The following KATNIP variants were observed in gnomAD, a reference collection of about 807,000 sequenced individuals.
KATNIP encodes the protein katanin-interacting protein.
Under a neutral mutation model 174.0 loss-of-function variants are expected in KATNIP, and 126 were observed. The observed-to-expected ratio is 0.72, with a 90% CI of 0.63 to 0.84. The LOEUF (loss-of-function observed/expected upper bound fraction) is 0.84, where lower values mean the gene tolerates loss of function less well. KATNIP is among the 40% of genes least tolerant of loss of function. The probability of loss-of-function intolerance (pLI) is 0.00; values close to 1 mark genes in which losing one functional copy is unlikely to be tolerated. For missense variants in KATNIP, 1,958 were observed against 2,109.7 expected, an observed-to-expected ratio of 0.93 and a Z score of 1.41; for synonymous variants, 810 against 835.7, an observed-to-expected ratio of 0.97 and a Z score of 0.53.
intron 21 of KATNIP, among the ~76,000 whole-genome samples, chr16:27,770,674 C>A (rs1199655777): frequency 3.9e-5 from 6 of 152,204 alleles, no homozygotes; most frequent in Non-Finnish European, 8.8e-5. Flanking sequence ...GGGAGAGGGG[C>A]CCCGTCAGGA....
In KATNIP at chr16:27,708,715, G is replaced by A; in HGVS notation, c.1400G>A (p.Arg467Lys). 6.2e-7 allele frequency: 1 copy of A among 1,612,164 alleles called. No homozygotes were observed. The highest frequency in any genetic ancestry group is 8.5e-7 in the Non-Finnish European group (1 of 1,178,632). ...TTTCTCTTCTTTAAGGACAAACAGA[G>A]AATGAGGGCAGACGAGATCAAAGAT... The part of the protein sequence containing the change: ...EQVSDTEDKQ[R>K]MRADEIKDAI... Residue 467 changes from arginine to lysine, a missense_variant, in exon 13 of 28, where the codon AGA (arginine) becomes AAA (lysine). This residue lies in a region of KATNIP where 1,557 missense variants were observed against 1,617.8 expected (regional missense o/e 0.96). Transcript: ENST00000261588.
chr16:27,669,224 A>G (rs2077798912), intron 6 of KATNIP: 1 of 948,114 alleles, frequency 1.1e-6, no homozygotes, highest in African/African-American at 1.8e-5. Context: ...TAATTCACTG[A>G]CCATCAAACC....
chr16:27,751,778 A>C lies in KATNIP; in HGVS notation c.3406A>C (p.Ile1136Leu), dbSNP rs749543994. Reference sequence around the variant, plus strand: ...AACCGATGATGACATTCTCGAGGCCATATTCTATTCTGATGAGATGTTTGA... The same window carrying C: ...AACCGATGATGACATTCTCGAGGCCCTATTCTATTCTGATGAGATGTTTGA... ...FTTDDDILEA[I>L]FYSDEMFDLD... Residue 1136 changes from isoleucine (I) to leucine (L), a missense_variant, in exon 17 of 28, where the codon ATA becomes CTA. By Grantham distance (5) the Ile-to-Leu change is conservative. Coordinates refer to ENST00000261588, the MANE Select transcript of KATNIP (RefSeq NM_015202.5). The C allele has an allele frequency of 3.1e-6, 5 of 1,614,124 alleles. No homozygotes were observed. The East Asian group carries it at 8.9e-5, about 29-fold the overall frequency.
intron 5 of KATNIP, chr16:27,632,536 A>G (rs2076521228): frequency 2.3e-6 from 1 of 435,906 alleles, no homozygotes; most frequent in Admixed American, 2.4e-5. Context: ...CTGATGTCAA[A>G]AGGCGAATCG....
chr16:27,569,148 T>C (rs1325997718), intron 1 of KATNIP, among the ~76,000 whole-genome samples: 2 of 152,240 alleles, frequency 1.3e-5, no homozygotes, highest in African/African-American at 4.8e-5. Context: ...GACTGTACTT[T>C]ACGGGTTGTT....
At chr16:27,674,926 C>T (rs1184117511) in intron 6 of KATNIP, among the ~76,000 whole-genome samples, 2 of 152,220 alleles carry the variant, frequency 1.3e-5, no homozygotes, top group African/African-American at 4.8e-5. Context: ...AAAATCTCAT[C>T]ATCTAAATTG....
intron 6 of KATNIP, among the ~76,000 whole-genome samples, chr16:27,668,573 G>A (rs138797090): frequency 3.3e-5 from 5 of 152,338 alleles, no homozygotes; most frequent in East Asian, 1.9e-4. Flanking sequence ...GCGTGAAAAC[G>A]GACTAATACA....
At position 27,775,049 on chromosome 16, in the gene KATNIP, C is replaced by G. The variant is rs372682821; in HGVS notation, c.4414C>G (p.Arg1472Gly). Residue 1472 changes from arginine to glycine, a missense_variant, in exon 24 of 28, where the codon CGG becomes GGG. Coordinates refer to ENST00000261588, the MANE Select transcript of KATNIP (RefSeq NM_015202.5). ...IDQVNDTSDGRHMWLAPILPG... is the reference protein window; with the variant it reads ...IDQVNDTSDGGHMWLAPILPG... Reference sequence around the variant, plus strand: ...CCAAGTGAACGACACCAGTGATGGCCGGCACATGTGGCTGGCTCCCATCCT... The same window carrying G: ...CCAAGTGAACGACACCAGTGATGGCGGGCACATGTGGCTGGCTCCCATCCT... 2.5e-6 allele frequency: 4 copies of G among 1,613,018 alleles called. No individual in the cohort carries two copies. The highest frequency in any genetic ancestry group is 3.4e-6 in the Non-Finnish European group (4 of 1,179,774).
At chr16:27,742,398 G>A (rs2143603340) in intron 15 of KATNIP, among the ~76,000 whole-genome samples, 1 of 152,312 alleles carries the variant, frequency 6.6e-6, no homozygotes, top group Admixed American at 6.5e-5. Context: ...CATGATGAGT[G>A]CTCGGTGAGT....
chr16:27,701,496 C>A, intron 10 of KATNIP, 93 bp from the exon 11 acceptor site: 1 of 889,476 alleles, frequency 1.1e-6, no homozygotes, highest in South Asian at 1.6e-5. Context: ...GGACTGTCAG[C>A]CTGAGCATGC....
intron 1 of KATNIP, among the ~76,000 whole-genome samples, chr16:27,554,630 C>T (rs772501455): frequency 1.8e-4 from 28 of 152,116 alleles, no homozygotes; most frequent in Non-Finnish European, 3.8e-4. Context: ...TCTGTACTTG[C>T]AGTCTTAGGA....
intron 10 of KATNIP, among the ~76,000 whole-genome samples, chr16:27,700,530 G>A (rs891985824): frequency 2.0e-5 from 3 of 152,206 alleles, no homozygotes; most frequent in African/African-American, 4.8e-5. Context: ...GCTAATATGT[G>A]AGAGAATGAC....
chr16:27,598,029 A>G (rs1024750045), intron 2 of KATNIP, among the ~76,000 whole-genome samples: 18 of 152,068 alleles, frequency 1.2e-4, no homozygotes, highest in Middle Eastern at 3.2e-3. Context: ...GAAGTTCAAG[A>G]CCAGCCTGGG....
At chr16:27,766,546 G>T in intron 20 of KATNIP, 72 bp downstream of exon 20, 1 of 1,467,320 alleles carries the variant, frequency 6.8e-7, no homozygotes, top group Non-Finnish European at 9.3e-7. Flanking sequence ...GGCTGGCGTG[G>T]CAGCCAGAGA....
intron 8 of KATNIP, among the ~76,000 whole-genome samples, chr16:27,682,430 A>C (rs992034092): frequency 6.6e-6 from 1 of 152,188 alleles, no homozygotes; most frequent in South Asian, 2.1e-4. Flanking sequence ...TTACATTTCA[A>C]CAAGATTCTT....
chr16:27,704,080 T>C, intron 12 of KATNIP, 82 bp downstream of exon 12: 1 of 1,097,114 alleles, frequency 9.1e-7, no homozygotes, highest in Non-Finnish European at 1.4e-6. Context: ...AGGATTGCTC[T>C]GACAGTGGTT....
intron 19 of KATNIP, among the ~76,000 whole-genome samples, chr16:27,762,549 C>T (rs2081989054): frequency 6.6e-6 from 1 of 152,154 alleles, no homozygotes; most frequent in African/African-American, 2.4e-5. Context: ...CTACCATCCA[C>T]TCACTTAACC....
chr16:27,612,720 C>G (rs2075927116), intron 2 of KATNIP, among the ~76,000 whole-genome samples: 1 of 151,844 alleles, frequency 6.6e-6, no homozygotes, highest in South Asian at 2.1e-4. Context: ...GATCGCACCA[C>G]TGAACTCCAG....
chr16:27,689,670 G>T (rs1567303057), intron 8 of KATNIP, among the ~76,000 whole-genome samples: 1 of 152,196 alleles, frequency 6.6e-6, no homozygotes, highest in African/African-American at 2.4e-5. Context: ...TAACAAGCCA[G>T]GTCTGTCGGC....
Sources: gnomAD v4.1 joint callset for allele counts (sites outside exome capture counted in the v4.1 genomes callset) on GRCh38, gnomAD v4.1.1 for gene constraint, gnomAD v4.1.1 regional missense constraint, MANE v1.5 for transcripts, NCBI Gene and HGNC (gene_info 2026-07-23, HGNC 2026-07-21) for gene names.